Variants in SV2C observed in about 807,000 individuals in gnomAD.
SV2C encodes solute carrier family 22 member B3.
SV2C carries 49 observed loss-of-function variants against 79.7 expected under a neutral mutation model. The observed-to-expected ratio is 0.61, with a 90% confidence interval of 0.49 to 0.78. SV2C has a LOEUF of 0.78. Ranked by LOEUF, SV2C falls within the 30% of genes least tolerant of loss-of-function variation. SV2C has a pLI of 0.00. For synonymous variants in SV2C, 334 were observed against 333.2 expected (o/e 1.00, Z -0.03); for missense variants, 833 against 912.9 (o/e 0.91, Z 1.13).
chr5:75,930,383 C>A, the SV2C span, among the ~76,000 whole-genome samples: 1 of 152,208 alleles, frequency 6.6e-6, no homozygotes, highest in Non-Finnish European at 1.5e-5. Flanking sequence ...CAGTTTTTTT[C>A]TGTGAGCATC....
rs182012316 is a variant in SV2C, at chr5:76,096,219, A to G, written c.-102+12707A>G. On this transcript the variant is annotated intron_variant, in intron 1 of 12. Transcript: ENST00000502798. ...TGGTTAACTTCTATCTTTTCCCTAT[A>G]TTTTATCCATTGCTTCTTTTTCCTA... Among the ~76,000 whole-genome samples, 15 of 152,162 alleles carry G rather than the reference A, an allele frequency of 9.9e-5. No individual in the cohort carries two copies. In the East Asian group the frequency reaches 2.3e-3, roughly 24 times the overall value.
At chr5:76,148,408 G>C (rs933362877) in intron 2 of SV2C, among the ~76,000 whole-genome samples, 1 of 151,992 alleles carries the variant, frequency 6.6e-6, no homozygotes, top group African/African-American at 2.4e-5. Context: ...TTGTTATATG[G>C]TCACTGGCCG....
the SV2C span, among the ~76,000 whole-genome samples, chr5:76,022,924 T>C: frequency 1.3e-5 from 2 of 152,230 alleles, no homozygotes; most frequent in Non-Finnish European, 2.9e-5. Flanking sequence ...CTGTATAGGA[T>C]ATGTTGGCAC....
At chr5:75,995,411 T>C in the SV2C span, among the ~76,000 whole-genome samples, 1 of 152,074 alleles carries the variant, frequency 6.6e-6, no homozygotes, top group Non-Finnish European at 1.5e-5. Flanking sequence ...TTTTAAAGAG[T>C]ATATTATATT....
At chr5:76,118,808 C>G (rs540106966) in intron 1 of SV2C, among the ~76,000 whole-genome samples, 2 of 152,224 alleles carry the variant, frequency 1.3e-5, no homozygotes, top group African/African-American at 4.8e-5. Flanking sequence ...ATGGCGAAAC[C>G]CTATCTCTAC....
chr5:76,340,337 A>G (rs1408696032), intron 12 of SV2C, among the ~76,000 whole-genome samples: 1 of 152,168 alleles, frequency 6.6e-6, no homozygotes, highest in Non-Finnish European at 1.5e-5. Context: ...TCATTCTTTT[A>G]TTCCTTTAAT....
chr5:76,187,766 T>A (rs921292141), intron 2 of SV2C, among the ~76,000 whole-genome samples: 3 of 144,698 alleles, frequency 2.1e-5, no homozygotes, highest in Non-Finnish European at 3.0e-5. Context: ...AAAAAAAAAA[T>A]ATGTCTTAGG....
At chr5:75,988,884 A>G in the SV2C span, among the ~76,000 whole-genome samples, 2 of 152,092 alleles carry the variant, frequency 1.3e-5, no homozygotes, top group East Asian at 3.9e-4. Context: ...TTACCAGCCC[A>G]GAGACCAGAC....
At chr5:76,256,033 A>G (rs1746254893) in intron 4 of SV2C, among the ~76,000 whole-genome samples, 1 of 152,208 alleles carries the variant, frequency 6.6e-6, no homozygotes, top group Non-Finnish European at 1.5e-5. Flanking sequence ...TGCAAGGCAA[A>G]AAATGCCCCA....
the SV2C span, chr5:75,911,091 G>A: frequency 2.1e-6 from 3 of 1,414,560 alleles, no homozygotes; most frequent in South Asian, 1.1e-5. Flanking sequence ...GCAGCCCGGG[G>A]GAAGATAATT....
chr5:76,125,384 T>G (rs1243120235), intron 1 of SV2C, among the ~76,000 whole-genome samples: 1 of 152,148 alleles, frequency 6.6e-6, no homozygotes, highest in Non-Finnish European at 1.5e-5. Context: ...CTAATTAGTG[T>G]TATGGTATTT....
At chr5:76,309,485 A>C (rs189753114) in intron 12 of SV2C, among the ~76,000 whole-genome samples, 34 of 151,642 alleles carry the variant, frequency 2.2e-4, no homozygotes, top group African/African-American at 8.0e-4. Context: ...CTGTAGTCCC[A>C]GCCACTCGGG....
chr5:76,064,770 C>G, the SV2C span, among the ~76,000 whole-genome samples: 1 of 152,114 alleles, frequency 6.6e-6, no homozygotes, highest in East Asian at 1.9e-4. Flanking sequence ...CTAACCTTTC[C>G]TCTTTCAAAT....
At chr5:76,014,188 G>GAAAA in the SV2C span, among the ~76,000 whole-genome samples, 1 of 141,318 alleles carries the variant, frequency 7.1e-6, no homozygotes, top group African/African-American at 2.6e-5. Context: ...AAGAAAGAAA[G>GAAAA]AAGGAAAGAG....
At chr5:76,052,063 C>T in the SV2C span, among the ~76,000 whole-genome samples, 1 of 152,108 alleles carries the variant, frequency 6.6e-6, no homozygotes, top group African/African-American at 2.4e-5. Flanking sequence ...CAAAGTTTCC[C>T]TCTAGTATAG....
chr5:75,852,155 G>A, the SV2C span, among the ~76,000 whole-genome samples: 2,113 of 152,166 alleles, frequency 0.014, 39 homozygotes, highest in African/African-American at 0.047. Context: ...CACACACCAG[G>A]GCCTGTCAGG....
At chr5:76,012,242 C>T in the SV2C span, among the ~76,000 whole-genome samples, 2 of 152,170 alleles carry the variant, frequency 1.3e-5, no homozygotes, top group African/African-American at 4.8e-5. Flanking sequence ...AAAAGCGTTC[C>T]TACTTCTCCA....
chr5:75,973,150 G>A, the SV2C span, among the ~76,000 whole-genome samples: 1 of 151,682 alleles, frequency 6.6e-6, no homozygotes, highest in Admixed American at 6.6e-5. Flanking sequence ...CACAGGAAGG[G>A]GAACATCACA....
the SV2C span, among the ~76,000 whole-genome samples, chr5:75,883,972 A>T: frequency 6.6e-6 from 1 of 152,136 alleles, no homozygotes; most frequent in South Asian, 2.1e-4. Flanking sequence ...TCACAATGGT[A>T]TTATTTATTA....
Sources: allele counts gnomAD v4.1 joint callset (sites outside exome capture counted in the v4.1 genomes callset), GRCh38; gene constraint gnomAD v4.1.1; transcripts MANE v1.5; gene names NCBI Gene and HGNC (gene_info 2026-07-23, HGNC 2026-07-21).